The following SGCZ variants were observed in gnomAD, a reference collection of about 807,000 sequenced individuals.
The protein encoded by SGCZ is sarcoglycan zeta.
In SGCZ, 40 loss-of-function variants were observed where a neutral mutation model predicts 41.3. The ratio of observed to expected loss-of-function variants is 0.97; its 90% confidence interval spans 0.75 to 1.26. SGCZ has a LOEUF of 1.26. SGCZ is among the 50% of genes most tolerant of loss of function. The pLI is 0.00. For synonymous variants in SGCZ, 206 were observed against 137.5 expected (o/e 1.50, Z -3.49); for missense variants, 552 against 369.8 (o/e 1.49, Z -4.04).
chr8:14,380,573 G>A (rs913483247), intron 2 of SGCZ, among the ~76,000 whole-genome samples: 2 of 152,080 alleles, frequency 1.3e-5, no homozygotes, highest in African/African-American at 2.4e-5. Flanking sequence ...TGCAATGTAG[G>A]CCAGGCGTGG....
chr8:14,113,519 G>C (rs1307613037), intron 5 of SGCZ, among the ~76,000 whole-genome samples: 1 of 152,058 alleles, frequency 6.6e-6, no homozygotes, highest in African/African-American at 2.4e-5. Flanking sequence ...TAAGGATCCA[G>C]ATTTCCAGCC....
At chr8:15,142,780 T>G (rs1222021842) in intron 1 of SGCZ, among the ~76,000 whole-genome samples, 2 of 151,358 alleles carry the variant, frequency 1.3e-5, no homozygotes, top group Non-Finnish European at 2.9e-5. Context: ...CCCAGCTACT[T>G]TTTGTATTTT....
intron 1 of SGCZ, among the ~76,000 whole-genome samples, chr8:14,563,735 T>C (rs918176260): frequency 6.6e-6 from 1 of 152,174 alleles, no homozygotes; most frequent in African/African-American, 2.4e-5. Flanking sequence ...TCGAGCTTTG[T>C]ACAAAAGCTT....
intron 1 of SGCZ, among the ~76,000 whole-genome samples, chr8:14,869,846 A>C (rs973767603): frequency 6.6e-6 from 1 of 152,144 alleles, no homozygotes. Flanking sequence ...CACTTGCTAC[A>C]AAGGAAATAG....
At chr8:15,094,226 C>T (rs1159568843) in intron 1 of SGCZ, among the ~76,000 whole-genome samples, 2 of 152,002 alleles carry the variant, frequency 1.3e-5, no homozygotes, top group Admixed American at 6.6e-5. Context: ...ACTCTACCTC[C>T]CAGGTTCAAG....
At chr8:14,731,963 T>C (rs1798867335) in intron 1 of SGCZ, among the ~76,000 whole-genome samples, 1 of 152,162 alleles carries the variant, frequency 6.6e-6, no homozygotes, top group Non-Finnish European at 1.5e-5. Context: ...ATACCATTAA[T>C]GTGAAATATG....
At chr8:14,183,435 CAG>C (rs1195916035) in intron 4 of SGCZ, among the ~76,000 whole-genome samples, 1 of 152,056 alleles carries the variant, frequency 6.6e-6, no homozygotes, top group Non-Finnish European at 1.5e-5. Flanking sequence ...CAAAACTCAA[CAG>C]AGATAGTACA....
chr8:14,619,508 T>C (rs958140004), intron 1 of SGCZ, among the ~76,000 whole-genome samples: 6 of 152,174 alleles, frequency 3.9e-5, no homozygotes, highest in African/African-American at 1.2e-4. Flanking sequence ...ACTGTCCCTG[T>C]CTGCAGATGA....
intron 3 of SGCZ, among the ~76,000 whole-genome samples, chr8:14,276,011 A>C (rs546239360): frequency 1.3e-5 from 2 of 152,196 alleles, no homozygotes; most frequent in Non-Finnish European, 2.9e-5. Flanking sequence ...TAGGGGACAT[A>C]TATCACCTTC....
At chr8:14,271,382 C>T (rs1800053267) in intron 3 of SGCZ, among the ~76,000 whole-genome samples, 1 of 152,100 alleles carries the variant, frequency 6.6e-6, no homozygotes, top group Non-Finnish European at 1.5e-5. Context: ...TAAATGTGAG[C>T]TTTAATATAT....
intron 5 of SGCZ, among the ~76,000 whole-genome samples, chr8:14,154,360 C>G (rs544731844): frequency 2.0e-5 from 3 of 147,950 alleles, no homozygotes; most frequent in East Asian, 4.1e-4. Context: ...CATAGCAAGA[C>G]TCTGTTTCAA....
chr8:14,976,215 G>A (rs565632395), intron 1 of SGCZ, among the ~76,000 whole-genome samples: 6 of 151,744 alleles, frequency 4.0e-5, no homozygotes, highest in Non-Finnish European at 5.9e-5. Context: ...TAGACACATG[G>A]TTTCACCATG....
intron 1 of SGCZ, among the ~76,000 whole-genome samples, chr8:15,158,549 C>T (rs146319934): frequency 3.3e-5 from 5 of 152,096 alleles, no homozygotes; most frequent in Admixed American, 3.3e-4. Context: ...CTACTTTATG[C>T]TAAAACCTAC....
At chr8:14,508,085 C>T (rs1431070965) in intron 2 of SGCZ, among the ~76,000 whole-genome samples, 1 of 149,932 alleles carries the variant, frequency 6.7e-6, no homozygotes, top group African/African-American at 2.5e-5. Flanking sequence ...TTACTTTCTT[C>T]GTGAGATCTA....
intron 1 of SGCZ, among the ~76,000 whole-genome samples, chr8:14,765,644 C>CTATTAA (rs1800014214): frequency 6.6e-6 from 1 of 152,072 alleles, no homozygotes; most frequent in African/African-American, 2.4e-5. Flanking sequence ...ACACATAAAA[C>CTATTAA]TATTAAGCAA....
intron 2 of SGCZ, among the ~76,000 whole-genome samples, chr8:14,451,152 A>T (rs1440699981): frequency 1.3e-5 from 2 of 152,180 alleles, no homozygotes; most frequent in Non-Finnish European, 2.9e-5. Context: ...GTATTCAGGG[A>T]TATATAAACC....
chr8:14,546,192 G>A (rs1014641501), intron 2 of SGCZ, among the ~76,000 whole-genome samples: 6 of 152,096 alleles, frequency 3.9e-5, no homozygotes, highest in African/African-American at 1.2e-4. Flanking sequence ...GGGGCAGTGC[G>A]GTCTCTGCTG....
intron 1 of SGCZ, among the ~76,000 whole-genome samples, chr8:14,853,776 A>C (rs1036258654): frequency 6.6e-6 from 1 of 151,806 alleles, no homozygotes; most frequent in African/African-American, 2.4e-5. Flanking sequence ...AAAAATAAAC[A>C]AGGCTTTTCT....
At chr8:14,859,478 G>A (rs552610144) in intron 1 of SGCZ, among the ~76,000 whole-genome samples, 42 of 152,192 alleles carry the variant, frequency 2.8e-4, no homozygotes, top group African/African-American at 9.9e-4. Context: ...GAGTCTCAGG[G>A]ACACATTGGA....
Sources: gnomAD v4.1 joint callset for allele counts (sites outside exome capture counted in the v4.1 genomes callset) on GRCh38, gnomAD v4.1.1 for gene constraint, MANE v1.5 for transcripts, NCBI Gene and HGNC (gene_info 2026-07-23, HGNC 2026-07-21) for gene names.